Variants in ASS1 observed in about 807,000 individuals in gnomAD.
ASS1 encodes argininosuccinate synthase 1, also known as argininosuccinate synthase.
In ASS1, 58 loss-of-function variants were observed where a neutral mutation model predicts 60.5. That is an observed-to-expected ratio of 0.96 (90% CI 0.78 to 1.19). The LOEUF (loss-of-function observed/expected upper bound fraction) is 1.19. Ranked by LOEUF, ASS1 falls within the 50% of genes most tolerant of loss-of-function variation. The pLI, the probability that ASS1 is intolerant of heterozygous loss-of-function variation, is 0.00. For missense variants in ASS1, 454 were observed against 547.3 expected (o/e 0.83, Z 1.70); for synonymous variants, 200 against 206.9 (o/e 0.97, Z 0.29).
chr9:130,469,071 G>A (rs1033373514), intron 6 of ASS1, among the ~76,000 whole-genome samples: 2 of 152,188 alleles, frequency 1.3e-5, no homozygotes, highest in Non-Finnish European at 2.9e-5. Context: ...GTTCTTTCAC[G>A]CCACCGCCCA....
rs1165870346 is a variant in ASS1, at chr9:130,477,608, T to C, written c.688+647T>C. Among the ~76,000 whole-genome samples the C allele has an allele frequency of 6.6e-6, 1 of 152,156 alleles. No individual in the cohort carries two copies. Among genetic ancestry groups the C allele is most frequent in the Non-Finnish European group, 1.5e-5 (1 of 68,018 alleles). ...GGCCTGAGTGCCTGGGTGCCTGAGC[T>C]TGGGAGAGGGCATCTCTTGGCCTGG... On this transcript the variant is annotated intron_variant, in intron 9 of 14. Coordinates refer to ENST00000352480, the MANE Select transcript of ASS1 (RefSeq NM_054012.4). This position sits in a 1 kb window ranked among gnomAD's most constrained non-coding sequence, Gnocchi z 4.2.
intron 1 of ASS1, 53 bp from the exon 2 acceptor site, chr9:130,452,171 G>A (rs1222921982): frequency 5.4e-6 from 8 of 1,495,108 alleles, no homozygotes; most frequent in Non-Finnish European, 7.4e-6. Flanking sequence ...AGGGGCTGGC[G>A]GGGGGCACTG....
At position 130,464,154 on chromosome 9, in the gene ASS1, C is replaced by G; in HGVS notation, c.407C>G (p.Ala136Gly). ...TTTGAGCTCAGCTGCTACTCACTGG[C>G]CCCCCAGATAAAGGTAGGATGTGGC... ...VRFELSCYSL[A>G]PQIKVIAPWR... Residue 136 changes from alanine (A) to glycine (G), a missense_variant, in exon 5 of 15, where the codon GCC becomes GGC. Coordinates refer to ENST00000352480, the MANE Select transcript of ASS1 (RefSeq NM_054012.4). 6.2e-7 allele frequency: 1 copy of G among 1,614,134 alleles called. No individual in the cohort carries two copies. Among genetic ancestry groups the G allele is most frequent in the South Asian group, 1.1e-5 (1 of 91,080 alleles).
Position 130,495,025 on chromosome 9 carries a change from T to A in ASS1, c.1127+2T>A. ...TCTCTACAATGAGGAGCTGGTGAGG[T>A]AGGTGCCCCACACCTCATTCTGACC... On this transcript the variant is annotated splice_donor_variant, in intron 13 of 14. Coordinates refer to ENST00000352480, the MANE Select transcript of ASS1 (RefSeq NM_054012.4). LOFTEE classifies it high-confidence loss of function. 6.2e-7 allele frequency: 1 copy of A among 1,609,472 alleles called. No homozygotes were observed. Among genetic ancestry groups the A allele is most frequent in the Non-Finnish European group, 8.5e-7 (1 of 1,178,394 alleles).
At chr9:130,464,905 C>G (rs1845689834) in intron 5 of ASS1, among the ~76,000 whole-genome samples, 1 of 151,830 alleles carries the variant, frequency 6.6e-6, no homozygotes, top group African/African-American at 2.4e-5. Context: ...AGTGCAGGGC[C>G]CAGGGCAGGG....
At chr9:130,465,198 G>A (rs998738020) in intron 5 of ASS1, among the ~76,000 whole-genome samples, 3 of 151,698 alleles carry the variant, frequency 2.0e-5, no homozygotes, top group African/African-American at 4.8e-5. Flanking sequence ...ATAGGCATGC[G>A]CCACCACACC....
chr9:130,495,245 T>C (rs951409677), intron 13 of ASS1, among the ~76,000 whole-genome samples: 1 of 151,902 alleles, frequency 6.6e-6, no homozygotes, highest in African/African-American at 2.4e-5. Flanking sequence ...TTAGACAAGG[T>C]GGCAGCGGGC....
chr9:130,500,267 C>G (rs574186334), intron 14 of ASS1, among the ~76,000 whole-genome samples: 15 of 152,170 alleles, frequency 9.9e-5, no homozygotes, highest in Non-Finnish European at 1.8e-4. Flanking sequence ...CTAAGCTGCT[C>G]TGGGACACTC....
At chr9:130,499,316 T>G (rs1205931655) in intron 13 of ASS1, among the ~76,000 whole-genome samples, 189 bp from the exon 14 acceptor site, 1 of 152,208 alleles carries the variant, frequency 6.6e-6, no homozygotes, top group African/African-American at 2.4e-5. Context: ...GGTGGGTGCC[T>G]GGCCCAGAAC....
rs1323211380 is a variant in ASS1, at chr9:130,452,439, C to T, written c.105+106C>T. On this transcript the variant is annotated intron_variant, in intron 2 of 14. Transcript: ENST00000352480. ...TTGTCAGCCTGTCTGCTCACCGTCA[C>T]TCATTCAAGCCTGGCCTCTTCTCTC... The T allele has an allele frequency of 9.3e-6, 9 of 963,000 alleles. No individual in the cohort carries two copies. In the South Asian group the frequency reaches 9.4e-5, roughly 10 times the overall value. The allele number at this position is 963,000 out of a possible 1,614,324, so 59.7% of individuals were successfully genotyped here. A position where few individuals can be genotyped will look rare whatever the true frequency, so the allele number is the denominator to read the frequency against.
Position 130,488,132 on chromosome 9 carries a change from T to C in ASS1, c.839-1201T>C, listed in dbSNP as rs1846353404. Among the ~76,000 whole-genome samples the C allele has an allele frequency of 6.6e-6, 1 of 152,222 alleles. No individual in the cohort carries two copies. The highest frequency in any genetic ancestry group is 6.5e-5 in the Admixed American group (1 of 15,284). ...TTTTGCTTCTTCACTCATCCCTCGA[T>C]GGACACCTGGGTTGCTTCCGCCTCT... On this transcript the variant is annotated intron_variant, in intron 11 of 14. Coordinates refer to ENST00000352480, the MANE Select transcript of ASS1 (RefSeq NM_054012.4). This position sits in a 1 kb window ranked among gnomAD's most constrained non-coding sequence, Gnocchi z 5.2.
At chr9:130,466,834 C>T (rs980204022) in intron 6 of ASS1, 35 bp downstream of exon 6, 1 of 1,603,390 alleles carries the variant, frequency 6.2e-7, no homozygotes. Context: ...CCCAACCTTT[C>T]CCTATAGCCC....
chr9:130,469,168 A>T (rs1006531311), intron 6 of ASS1, among the ~76,000 whole-genome samples: 1 of 152,192 alleles, frequency 6.6e-6, no homozygotes, highest in African/African-American at 2.4e-5. Context: ...GGAGCCCAGC[A>T]GGCCACCAGG....
rs1845845409 is a variant in ASS1, at chr9:130,470,661, C to CAG, written c.496-172_496-171dup. On this transcript the variant is annotated intron_variant, in intron 6 of 14. Coordinates refer to ENST00000352480, the MANE Select transcript of ASS1 (RefSeq NM_054012.4). The surrounding 1 kb of genome is among the most constrained non-coding windows in gnomAD (Gnocchi z 4.3). The stretch of plus-strand genomic sequence containing the variant: ...TCCTGCAGTTTCTCTGGGGCATGTC[C>CAG]AGCAATAGGGTCCCCCCAGGGAGGT... Among the ~76,000 whole-genome samples the CAG allele has an allele frequency of 1.3e-5, 2 of 152,298 alleles. No homozygotes were observed. Among genetic ancestry groups the CAG allele is most frequent in the East Asian group, 1.9e-4 (1 of 5,184 alleles).
rs1338409077 is a variant in ASS1 at position 130,494,611 on chromosome 9, C to T, written c.971-256C>T. Reference sequence around the variant, plus strand: ...CATGAAGCAGTGGGTCACTTCCCTCCTCCTGACCCTTAGGGAAATGACCTA... The same window carrying T: ...CATGAAGCAGTGGGTCACTTCCCTCTTCCTGACCCTTAGGGAAATGACCTA... On this transcript the variant is annotated intron_variant, in intron 12 of 14. Coordinates refer to ENST00000352480, the MANE Select transcript of ASS1 (RefSeq NM_054012.4). This position sits in a 1 kb window ranked among gnomAD's most constrained non-coding sequence, Gnocchi z 4.3. Among the ~76,000 whole-genome samples the T allele has an allele frequency of 1.3e-5, 2 of 152,234 alleles. No homozygotes were observed. Among genetic ancestry groups the T allele is most frequent in the Admixed American group, 1.3e-4 (2 of 15,290 alleles).
intron 8 of ASS1, among the ~76,000 whole-genome samples, chr9:130,474,473 A>AGGTGGGAGAGAGCTGGGCTTG (rs1265299628): frequency 6.6e-6 from 1 of 152,164 alleles, no homozygotes; most frequent in Non-Finnish European, 1.5e-5. Flanking sequence ...GCGCAGGTGG[A>AGGTGGGAGAGAGCTGGGCTTG]GGTGGGAGAG....
chr9:130,471,514 A>G lies in ASS1; in HGVS notation c.596A>G (p.Lys199Arg), dbSNP rs764078809. 2.4e-5 allele frequency: 38 copies of G among 1,614,022 alleles called. No homozygotes were observed. Among genetic ancestry groups the G allele is most frequent in the Non-Finnish European group, 3.2e-5 (38 of 1,179,944 alleles). The change falls in exon 8 of 15, where the codon AAG (lysine) becomes AGG (arginine). Residue 199 changes from lysine (K) to arginine (R), a missense_variant and splice_region_variant. By Grantham distance (26) the Lys-to-Arg change is conservative. Transcript: ENST00000352480. ...SYEAGILENP[K>R]NQAPPGLYTK... The stretch of plus-strand genomic sequence containing the variant: ...GAGGCTGGAATCCTGGAGAACCCCA[A>G]GGTAATCCCCCAAACCCCATCTCCT...
intron 8 of ASS1, among the ~76,000 whole-genome samples, chr9:130,474,338 C>T (rs1588490505): frequency 2.0e-5 from 3 of 152,326 alleles, no homozygotes; most frequent in South Asian, 2.1e-4. Context: ...CTCCAGTCTT[C>T]CCATCCCCTC....
At chr9:130,471,630 T>C in intron 8 of ASS1, 115 bp downstream of exon 8, 1 of 1,299,460 alleles carries the variant, frequency 7.7e-7, no homozygotes, top group South Asian at 1.2e-5. Context: ...GGGCCAGCCG[T>C]GGGGCTGGGG....
Sources: allele counts gnomAD v4.1 joint callset (sites outside exome capture counted in the v4.1 genomes callset), GRCh38; gene constraint gnomAD v4.1.1; non-coding constraint Gnocchi (gnomAD v3.1); transcripts MANE v1.5; gene names NCBI Gene and HGNC (gene_info 2026-07-23, HGNC 2026-07-21).